Variants in GLCCI1 observed in about 807,000 individuals in gnomAD.
The protein encoded by GLCCI1 is glucocorticoid induced 1, also known as glucocorticoid-induced transcript 1 protein.
A neutral mutation model predicts 52.2 loss-of-function variants in GLCCI1; 24 were observed. The ratio of observed to expected loss-of-function variants is 0.46; its 90% confidence interval spans 0.33 to 0.65. GLCCI1 has a LOEUF of 0.65. GLCCI1 is among the 30% of genes least tolerant of loss of function. The pLI is 0.02. For synonymous variants in GLCCI1, 310 were observed against 276.5 expected, an observed-to-expected ratio of 1.12 and a Z score of -1.20; for missense variants, 704 against 701.5, an observed-to-expected ratio of 1.00 and a Z score of -0.04.
In GLCCI1 at chr7:8,003,888, TTTTTTTTCACTTTCTG is replaced by T; in HGVS notation, c.458-18_458-3del. On this transcript the variant is annotated splice_polypyrimidine_tract_variant and splice_region_variant and intron_variant, in intron 1 of 7. Coordinates refer to ENST00000223145, the MANE Select transcript of GLCCI1 (RefSeq NM_138426.4). ...TTATTTTATTCACTAATGACTAATCTTTTTTTTCACTTTCTGTAGCGGACAAGGCAAAATCTCAGCA... is the reference window on the plus strand; with the variant it reads ...TTATTTTATTCACTAATGACTAATCTTAGCGGACAAGGCAAAATCTCAGCA... 1.9e-6 allele frequency: 3 copies of T among 1,587,576 alleles called. No homozygotes were observed. The highest frequency in any genetic ancestry group is 2.6e-6 in the Non-Finnish European group (3 of 1,165,370).
chr7:8,075,902 T>C (rs1243102528), intron 6 of GLCCI1, among the ~76,000 whole-genome samples: 1 of 152,236 alleles, frequency 6.6e-6, no homozygotes, highest in African/African-American at 2.4e-5. Flanking sequence ...TAACTCATTC[T>C]GTGATTTAAC....
rs370390697 is a variant in GLCCI1, at chr7:8,022,522, T to C, written c.649T>C (p.Ser217Pro). The change falls in exon 3 of 8, where the codon TCA (serine) becomes CCA (proline). Residue 217 changes from serine to proline, a missense_variant. Physicochemically the swap from Ser to Pro is moderately conservative, Grantham distance 74. Around this residue, in one of 3 missense-constraint regions of GLCCI1, gnomAD observed 547 missense variants for 524.8 expected, o/e 1.04. Coordinates refer to ENST00000223145, the MANE Select transcript of GLCCI1 (RefSeq NM_138426.4). ...GGCAGAAGAGGGTGCAGAAAAGAGGTCACATCAGCGTTCTGCGTCATGGGG... is the reference window on the plus strand; with the variant it reads ...GGCAGAAGAGGGTGCAGAAAAGAGGCCACATCAGCGTTCTGCGTCATGGGG... Reference protein sequence around the residue: ...CWAEEGAEKRSHQRSASWGSA... With the variant: ...CWAEEGAEKRPHQRSASWGSA... The C allele has an allele frequency of 3.8e-6, 6 of 1,587,508 alleles. No individual in the cohort carries two copies. The highest frequency in any genetic ancestry group is 1.4e-5 in the African/African-American group (1 of 73,550).
chr7:7,982,488 CTT>C (rs903058631), intron 1 of GLCCI1, among the ~76,000 whole-genome samples: 7 of 152,042 alleles, frequency 4.6e-5, no homozygotes, highest in Admixed American at 1.3e-4. Flanking sequence ...CATTTTTACT[CTT>C]CTTTTAAAAT....
intron 5 of GLCCI1, among the ~76,000 whole-genome samples, chr7:8,068,175 C>G (rs1207491063): frequency 6.6e-6 from 1 of 152,090 alleles, no homozygotes; most frequent in Non-Finnish European, 1.5e-5. Flanking sequence ...GTGGTGAAAC[C>G]CCATCTCTAC....
chr7:8,019,123 G>A (rs965644258), intron 2 of GLCCI1, among the ~76,000 whole-genome samples: 2 of 152,036 alleles, frequency 1.3e-5, no homozygotes, highest in African/African-American at 4.8e-5. Context: ...GTTTTGTTTT[G>A]GCTAAAATAA....
intron 1 of GLCCI1, among the ~76,000 whole-genome samples, chr7:7,993,773 T>C (rs2115418433): frequency 7.1e-6 from 1 of 141,624 alleles, no homozygotes; most frequent in African/African-American, 2.8e-5. Context: ...TGACTTACAA[T>C]GGGGGTTACA....
rs1367877732 is a variant in GLCCI1 at position 7,969,320 on chromosome 7, G to A, written c.-31G>A. On this transcript the variant is annotated 5_prime_UTR_variant, in exon 1 of 8. Coordinates refer to ENST00000223145, the MANE Select transcript of GLCCI1 (RefSeq NM_138426.4). This position sits in a 1 kb window ranked among gnomAD's most constrained non-coding sequence, Gnocchi z 4.9. ...CCTCCCGCCCCGCGCCTCCGTGTCG[G>A]CCGGCGGCGTCCAGGGCCCGCAGAG... The A allele has an allele frequency of 1.4e-6, 2 of 1,422,188 alleles. No homozygotes were observed. The highest frequency in any genetic ancestry group is 9.2e-7 in the Non-Finnish European group (1 of 1,083,444). The allele number at this position is 1,422,188 out of a possible 1,614,324, so 88.1% of individuals were successfully genotyped here. A position where few individuals can be genotyped will look rare whatever the true frequency, so the allele number is the denominator to read the frequency against.
At chr7:7,997,240 A>G (rs1015509015) in intron 1 of GLCCI1, among the ~76,000 whole-genome samples, 1 of 152,048 alleles carries the variant, frequency 6.6e-6, no homozygotes, top group Non-Finnish European at 1.5e-5. Flanking sequence ...ATCATTGTCT[A>G]TAACTGCAAG....
At chr7:7,988,439 A>G (rs1780779111) in intron 1 of GLCCI1, among the ~76,000 whole-genome samples, 1 of 152,206 alleles carries the variant, frequency 6.6e-6, no homozygotes, top group African/African-American at 2.4e-5. Flanking sequence ...TAAGGAAAAC[A>G]GTGCACTCCT....
At chr7:8,035,174 T>A (rs965419862) in intron 3 of GLCCI1, among the ~76,000 whole-genome samples, 2 of 151,842 alleles carry the variant, frequency 1.3e-5, no homozygotes, top group African/African-American at 4.8e-5. Flanking sequence ...CCTCAGGGAG[T>A]GCTGCTCCTA....
At chr7:8,002,285 A>G (rs530971845) in intron 1 of GLCCI1, among the ~76,000 whole-genome samples, 67 of 151,624 alleles carry the variant, frequency 4.4e-4, no homozygotes, top group Non-Finnish European at 6.2e-4. Flanking sequence ...ATTTAATTCA[A>G]TTGATATATA....
chr7:7,989,580 A>C (rs1414701010), intron 1 of GLCCI1, among the ~76,000 whole-genome samples: 1 of 152,148 alleles, frequency 6.6e-6, no homozygotes, highest in East Asian at 1.9e-4. Flanking sequence ...GGCTCTTCCC[A>C]AAAGTCTGCT....
rs1783108949 is a variant in GLCCI1, at chr7:8,086,470, C to T, written c.1576C>T (p.Gln526Ter). 1.2e-6 allele frequency: 2 copies of T among 1,614,164 alleles called. No homozygotes were observed. Among genetic ancestry groups the T allele is most frequent in the Non-Finnish European group, 1.7e-6 (2 of 1,180,018 alleles). ...MEASVQQPSQ[Q>*]QQLLQELQGE... is the part of the protein sequence containing the mutation. Reference sequence around the variant, plus strand: ...GGCCTCTGTCCAGCAGCCATCCCAGCAGCAGCAGCTCCTGCAGGAACTGCA... The same window carrying T: ...GGCCTCTGTCCAGCAGCCATCCCAGTAGCAGCAGCTCCTGCAGGAACTGCA... The change falls in exon 8 of 8, where the codon CAG becomes TAG. Residue 526 changes from glutamine to a stop codon, truncating the protein, a stop_gained. Transcript: ENST00000223145. LOFTEE classifies it high-confidence loss of function. This position sits in a 1 kb window ranked among gnomAD's most constrained non-coding sequence, Gnocchi z 4.4.
intron 2 of GLCCI1, among the ~76,000 whole-genome samples, chr7:8,010,441 T>A (rs76652075): frequency 0.038 from 5,802 of 152,288 alleles, 239 homozygotes; most frequent in East Asian, 0.18. Context: ...ATCTGCTCCC[T>A]GCCAAGGTCA....
chr7:7,972,873 A>G (rs2115399859), intron 1 of GLCCI1, among the ~76,000 whole-genome samples: 1 of 152,342 alleles, frequency 6.6e-6, no homozygotes, highest in East Asian at 1.9e-4. Flanking sequence ...AAATTGCCAA[A>G]TACCTTGCTG....
At chr7:8,022,437 G>A (rs1781515466) in intron 2 of GLCCI1, 46 bp from the exon 3 acceptor site, 2 of 1,065,580 alleles carry the variant, frequency 1.9e-6, no homozygotes, top group Admixed American at 3.0e-5. Flanking sequence ...AGATTAGGAA[G>A]TAGAGATAAA....
At chr7:8,053,189 G>A (rs531874023) in intron 3 of GLCCI1, among the ~76,000 whole-genome samples, 195 of 151,642 alleles carry the variant, frequency 1.3e-3, no homozygotes, top group Non-Finnish European at 2.1e-3. Context: ...TTGCATAAAT[G>A]CTTTAATCTT....
chr7:8,025,784 G>A (rs1781606520), intron 3 of GLCCI1, among the ~76,000 whole-genome samples: 1 of 152,110 alleles, frequency 6.6e-6, no homozygotes, highest in South Asian at 2.1e-4. Context: ...AAGCGATGGG[G>A]ACCATAAGGC....
chr7:8,028,505 A>T (rs12531625), intron 3 of GLCCI1, among the ~76,000 whole-genome samples: 20,077 of 152,140 alleles, frequency 0.13, 1,488 homozygotes, highest in East Asian at 0.19. Context: ...CTACATCAAA[A>T]AAGAAGAAAA....
Sources: gnomAD v4.1 joint callset for allele counts (sites outside exome capture counted in the v4.1 genomes callset) on GRCh38, gnomAD v4.1.1 for gene constraint, gnomAD v4.1.1 regional missense constraint, Gnocchi (gnomAD v3.1) non-coding constraint, MANE v1.5 for transcripts, NCBI Gene and HGNC (gene_info 2026-07-23, HGNC 2026-07-21) for gene names.